DNAH17: variants seen among roughly 807,000 people sequenced by gnomAD.
DNAH17 encodes axonemal beta dynein heavy chain 17.
In DNAH17, 376 loss-of-function variants were observed where a neutral mutation model predicts 485.6. The observed-to-expected ratio is 0.77, with a 90% CI of 0.71 to 0.84. The LOEUF is 0.84. Ranked by LOEUF, DNAH17 falls within the 40% of genes least tolerant of loss-of-function variation. The pLI is 0.00. For synonymous variants in DNAH17, 3,031 were observed against 2,405.9 expected (o/e 1.26, Z -7.60); for missense variants, 6,370 against 5,839.3 (o/e 1.09, Z -2.96).
In DNAH17 at chr17:78,530,357, G is replaced by A. The variant is rs1303572701; in HGVS notation, c.3270C>T (p.Asn1090=). The A allele has an allele frequency of 1.2e-6, 2 of 1,608,764 alleles. No homozygotes were observed. Among genetic ancestry groups the A allele is most frequent in the Non-Finnish European group, 1.7e-6 (2 of 1,176,048 alleles). Residue 1090 remains asparagine (N), a synonymous_variant, in exon 21 of 81, where the codon AAC becomes AAT. Transcript: ENST00000389840. The part of the protein sequence containing the change: ...WGFMFKRHLS[N]HVTNSLADLE... ...TGGGGACCCACCTGTTGGTGACGTG[G>A]TTGCTCAGGTGCCGCTTGAACATGA...
chr17:78,476,844 T>C, intron 51 of DNAH17, 111 bp from the exon 52 acceptor site: 2 of 1,318,558 alleles, frequency 1.5e-6, no homozygotes, highest in Non-Finnish European at 2.0e-6. Context: ...AGGGGACCTG[T>C]TCAGCTGTTG....
chr17:78,544,975 A>AT (rs2091718009), intron 16 of DNAH17, among the ~76,000 whole-genome samples: 1 of 152,046 alleles, frequency 6.6e-6, no homozygotes, highest in African/African-American at 2.4e-5. Context: ...GTCTTTGGCC[A>AT]TATCTCCCTA....
intron 26 of DNAH17, 35 bp downstream of exon 26, chr17:78,514,739 G>A (rs994978356): frequency 1.9e-6 from 3 of 1,604,774 alleles, no homozygotes; most frequent in Non-Finnish European, 2.6e-6. Flanking sequence ...TGGCCGCCAG[G>A]GGCGGTCCCC....
chr17:78,569,562 G>T, intron 7 of DNAH17, 35 bp from the exon 8 acceptor site: 1 of 1,582,724 alleles, frequency 6.3e-7, no homozygotes, highest in South Asian at 1.2e-5. Context: ...CTAAAGCTCC[G>T]ACAAGCCATT....
At chr17:78,551,419 TCCCACTGCAC>T in intron 16 of DNAH17, 106 bp downstream of exon 16, 1 of 873,744 alleles carries the variant, frequency 1.1e-6, no homozygotes, top group South Asian at 1.6e-5. Flanking sequence ...GCACGGCAGC[TCCCACTGCAC>T]CCCACACATC....
intron 71 of DNAH17, among the ~76,000 whole-genome samples, chr17:78,441,910 C>A (rs938059112): frequency 6.6e-6 from 1 of 152,056 alleles, no homozygotes; most frequent in African/African-American, 2.4e-5. Context: ...CATGACAAAA[C>A]CCTCTCTACT....
Position 78,507,531 on chromosome 17 carries a change from A to G in DNAH17, c.4511T>C (p.Ile1504Thr). ...RTWSHLESIF[I>T]GSEDIRTQLP... ...CTGGGTGCGGATGTCTTCGGAGCCGATGAAGATGCTCTCCAGGTGGCTCCA... is the reference window on the plus strand; with the variant it reads ...CTGGGTGCGGATGTCTTCGGAGCCGGTGAAGATGCTCTCCAGGTGGCTCCA... The change falls in exon 28 of 81, where the codon ATC becomes ACC. Residue 1504 changes from isoleucine to threonine, a missense_variant. Coordinates refer to ENST00000389840, the MANE Select transcript of DNAH17 (RefSeq NM_173628.4). The G allele has an allele frequency of 6.2e-7, 1 of 1,614,026 alleles. No individual in the cohort carries two copies. Among genetic ancestry groups the G allele is most frequent in the Non-Finnish European group, 8.5e-7 (1 of 1,179,882 alleles).
intron 12 of DNAH17, among the ~76,000 whole-genome samples, chr17:78,561,298 C>T (rs1366543219): frequency 3.3e-5 from 5 of 151,890 alleles, no homozygotes; most frequent in Non-Finnish European, 5.9e-5. Context: ...AAAGGCCCCC[C>T]TCCTAGTCAG....
In DNAH17 at chr17:78,476,707, A is replaced by T. The variant is rs369291621; in HGVS notation, c.8019T>A (p.Val2673=). 7.4e-6 allele frequency: 12 copies of T among 1,612,746 alleles called. No homozygotes were observed. The highest frequency in any genetic ancestry group is 1.6e-4 in the Middle Eastern group (1 of 6,078). Residue 2673 remains valine (V), a synonymous_variant, in exon 52 of 81, where the codon GTT becomes GTA. Coordinates refer to ENST00000389840, the MANE Select transcript of DNAH17 (RefSeq NM_173628.4). ...GGACGAGGTCCAGTGGGGTTTTCAG[A>T]ACTTCTGCTGTGGAAAATAAGAGTC... ...FQGLLFSTAE[V]LKTPLDLVRL...
chr17:78,433,495 A>G (rs2086752182), intron 75 of DNAH17, among the ~76,000 whole-genome samples: 2 of 152,224 alleles, frequency 1.3e-5, no homozygotes, highest in South Asian at 4.1e-4. Flanking sequence ...CCTCTGTGGC[A>G]GTCTGCATGC....
chr17:78,556,373 A>G (rs908739779), intron 14 of DNAH17, among the ~76,000 whole-genome samples: 4 of 152,204 alleles, frequency 2.6e-5, no homozygotes, highest in African/African-American at 7.2e-5. Context: ...GAGCCTCCAG[A>G]AGGAGGCAGC....
At chr17:78,532,400 C>T (rs993434532) in intron 20 of DNAH17, 82 bp downstream of exon 20, 2 of 1,483,648 alleles carry the variant, frequency 1.3e-6, no homozygotes, top group African/African-American at 2.8e-5. Context: ...AAACAATTCA[C>T]CCAAGTTTTA....
chr17:78,481,095 C>T (rs529853089), intron 48 of DNAH17, among the ~76,000 whole-genome samples: 1 of 147,340 alleles, frequency 6.8e-6, no homozygotes, highest in Non-Finnish European at 1.5e-5. Flanking sequence ...ACGCCCGCCC[C>T]CCATCCCCCG....
chr17:78,471,719 C>T (rs1026066345), intron 54 of DNAH17, among the ~76,000 whole-genome samples: 4 of 152,088 alleles, frequency 2.6e-5, no homozygotes, highest in African/African-American at 9.7e-5. Flanking sequence ...GCCACACTGT[C>T]CCATATGGAG....
At position 78,505,422 on chromosome 17, in the gene DNAH17, G is replaced by A; in HGVS notation, c.4827C>T (p.Leu1609=). 1 of 1,614,040 alleles carries A rather than the reference G, an allele frequency of 6.2e-7. No individual in the cohort carries two copies. The highest frequency in any genetic ancestry group is 8.5e-7 in the Non-Finnish European group (1 of 1,179,896). Residue 1609 remains leucine, a synonymous_variant, in exon 31 of 81, where the codon CTC becomes CTT. Transcript: ENST00000389840. ...ACTTCAGTTTACACAGGCTATCGAA[G>A]AGTTTGGACAGGTGGCGGCTCACCT... ...PVEVSRHLSK[L]FDSLCKLKFR... is the part of the protein sequence containing the mutation.
chr17:78,521,497 A>G (rs2090933289), intron 25 of DNAH17, among the ~76,000 whole-genome samples: 1 of 152,178 alleles, frequency 6.6e-6, no homozygotes, highest in Admixed American at 6.6e-5. Context: ...CAAAAATAAT[A>G]AATGAACCTT....
intron 79 of DNAH17, 42 bp from the exon 80 acceptor site, chr17:78,425,613 T>C (rs1481864504): frequency 6.5e-7 from 1 of 1,542,244 alleles, no homozygotes; most frequent in South Asian, 1.2e-5. Flanking sequence ...GGACATAGAA[T>C]GACATGGGAA....
rs150365576 is a variant in DNAH17, at chr17:78,455,553, C to G, written c.10170+91G>C. 762 of 989,916 alleles carry G rather than the reference C, an allele frequency of 7.7e-4. 6 individuals carry two copies. The African/African-American group carries it at 0.012, about 15-fold the overall frequency. The allele number at this position is 989,916 out of a possible 1,614,324, so 61.3% of individuals were successfully genotyped here. On this transcript the variant is annotated intron_variant, in intron 63 of 80. Coordinates refer to ENST00000389840, the MANE Select transcript of DNAH17 (RefSeq NM_173628.4). ...TGTTGGCCAGGCTGCTCATGAACTCCTGGCCTCAAGTAATCCGCCCGCCTC... is the reference window on the plus strand; with the variant it reads ...TGTTGGCCAGGCTGCTCATGAACTCGTGGCCTCAAGTAATCCGCCCGCCTC...
intron 51 of DNAH17, among the ~76,000 whole-genome samples, chr17:78,477,279 G>A (rs1568115842): frequency 6.6e-6 from 1 of 152,216 alleles, no homozygotes; most frequent in Non-Finnish European, 1.5e-5. Flanking sequence ...ACACTATGGT[G>A]TATGCTCTGA....
Sources: gnomAD v4.1 joint callset for allele counts (sites outside exome capture counted in the v4.1 genomes callset) on GRCh38, gnomAD v4.1.1 for gene constraint, MANE v1.5 for transcripts, NCBI Gene and HGNC (gene_info 2026-07-23, HGNC 2026-07-21) for gene names.